The following CAMTA1 variants were observed in gnomAD, a reference collection of about 807,000 sequenced individuals.
CAMTA1 encodes the protein calmodulin-binding transcription activator 1.
A neutral mutation model predicts 170.9 loss-of-function variants in CAMTA1; 27 were observed. The observed-to-expected ratio is 0.16, with a 90% CI of 0.12 to 0.22. The LOEUF (loss-of-function observed/expected upper bound fraction) is 0.22. Among genes scored for constraint, CAMTA1 ranks in the 10% least tolerant of loss-of-function variants. The probability of loss-of-function intolerance (pLI) is 1.00; values close to 1 mark genes in which losing one functional copy is unlikely to be tolerated. For synonymous variants in CAMTA1, 833 were observed against 891.5 expected (o/e 0.93, Z 1.17); for missense variants, 1,619 against 2,217.2 (o/e 0.73, Z 5.42).
chr1:7,448,045 T>TGCTCCTCTGCGGCC (rs2092722645), intron 5 of CAMTA1, among the ~76,000 whole-genome samples: 1 of 152,150 alleles, frequency 6.6e-6, no homozygotes, highest in South Asian at 2.1e-4. Context: ...GGTCAGCGGG[T>TGCTCCTCTGCGGCC]GCTCCTCTGC....
intron 3 of CAMTA1, among the ~76,000 whole-genome samples, chr1:7,052,891 C>A (rs923397835): frequency 6.6e-6 from 1 of 152,246 alleles, no homozygotes; most frequent in Non-Finnish European, 1.5e-5. Context: ...CCTCTTATCC[C>A]TCCTCCACCC....
chr1:6,926,462 TTC>T (rs1364473883), intron 3 of CAMTA1, among the ~76,000 whole-genome samples: 2 of 137,038 alleles, frequency 1.5e-5, no homozygotes, highest in East Asian at 4.1e-4. Flanking sequence ...CTTTCTTTCT[TTC>T]TTTCTTTCTT....
In CAMTA1 at chr1:6,975,969, G is replaced by A. The variant is rs1354867476; in HGVS notation, c.235-115335G>A. Among the ~76,000 whole-genome samples the A allele has an allele frequency of 2.6e-5, 4 of 152,132 alleles. 1 individual carries two copies. Among genetic ancestry groups the A allele is most frequent in the Admixed American group, 1.3e-4 (2 of 15,264 alleles). Reference sequence around the variant, plus strand: ...ATGATCTGTTCTTCCCTGCCGCGGCGAGCGTCAGTACTCCCTTCCTTTCCG... The same window carrying A: ...ATGATCTGTTCTTCCCTGCCGCGGCAAGCGTCAGTACTCCCTTCCTTTCCG... On this transcript the variant is annotated intron_variant, in intron 3 of 22. Coordinates refer to ENST00000303635, the MANE Select transcript of CAMTA1 (RefSeq NM_015215.4).
intron 3 of CAMTA1, among the ~76,000 whole-genome samples, chr1:6,977,411 G>T (rs1693642686): frequency 1.3e-5 from 2 of 151,970 alleles, no homozygotes; most frequent in African/African-American, 4.8e-5. Context: ...CGCAGTCTCG[G>T]CTCACTGCAA....
intron 3 of CAMTA1, among the ~76,000 whole-genome samples, chr1:6,939,075 T>C (rs1685960103): frequency 6.6e-6 from 1 of 152,194 alleles, no homozygotes; most frequent in African/African-American, 2.4e-5. Flanking sequence ...CTCAGGGAGT[T>C]GCCATGACCC....
chr1:7,141,402 T>G (rs1401411864), intron 4 of CAMTA1, among the ~76,000 whole-genome samples: 1 of 152,184 alleles, frequency 6.6e-6, no homozygotes, highest in Non-Finnish European at 1.5e-5. Flanking sequence ...GAGGTCTCAT[T>G]CTCTGTTAAA....
At chr1:7,219,375 G>A (rs1660315987) in intron 4 of CAMTA1, 1 of 151,660 alleles carries the variant, frequency 6.6e-6, no homozygotes, top group South Asian at 2.1e-4. Flanking sequence ...TACCTGGCAC[G>A]GGAGATATAC....
At chr1:6,871,923 C>T (rs12728334) in intron 3 of CAMTA1, 37 of 1,336,818 alleles carry the variant, frequency 2.8e-5, no homozygotes, top group African/African-American at 6.1e-5. Context: ...AAGTGTAACA[C>T]GCTGATTTCC....
intron 3 of CAMTA1, among the ~76,000 whole-genome samples, chr1:6,832,589 C>T (rs568160361): frequency 2.2e-4 from 34 of 152,180 alleles, no homozygotes; most frequent in Non-Finnish European, 3.2e-4. Flanking sequence ...ACTCTTCAGA[C>T]TTCCTAAATG....
intron 4 of CAMTA1, among the ~76,000 whole-genome samples, chr1:7,235,500 G>A (rs191982778): frequency 2.6e-4 from 40 of 152,274 alleles, no homozygotes; most frequent in Admixed American, 1.4e-3. Flanking sequence ...TTTGGTGGGC[G>A]CCTGTTGTCT....
At chr1:7,417,803 C>G (rs989222846) in intron 5 of CAMTA1, among the ~76,000 whole-genome samples, 2 of 152,198 alleles carry the variant, frequency 1.3e-5, no homozygotes, top group African/African-American at 2.4e-5. Context: ...CCGTCCGGCA[C>G]TCCCTAGTGA....
intron 4 of CAMTA1, among the ~76,000 whole-genome samples, chr1:7,238,188 G>A (rs1019505791): frequency 1.2e-4 from 18 of 147,490 alleles, no homozygotes; most frequent in Non-Finnish European, 2.5e-4. Flanking sequence ...AAAACATTTT[G>A]CTATGGAAAT....
chr1:7,054,084 C>T (rs1014387191), intron 3 of CAMTA1, among the ~76,000 whole-genome samples: 3 of 152,212 alleles, frequency 2.0e-5, no homozygotes, highest in African/African-American at 7.2e-5. Context: ...GCCAGCCCAG[C>T]CTCTGACTTA....
chr1:6,869,369 G>C (rs1667728440), intron 3 of CAMTA1, among the ~76,000 whole-genome samples: 1 of 152,164 alleles, frequency 6.6e-6, no homozygotes, highest in Admixed American at 6.5e-5. Flanking sequence ...AGGTTAAATC[G>C]ACAGTTGTCA....
chr1:7,071,115 C>G (rs1484335402), intron 3 of CAMTA1, among the ~76,000 whole-genome samples: 3 of 152,168 alleles, frequency 2.0e-5, no homozygotes, highest in Admixed American at 6.5e-5. Flanking sequence ...GAGCCTCCCC[C>G]TCCTCCTCCT....
chr1:7,173,490 C>T lies in CAMTA1; in HGVS notation c.303-76001C>T, dbSNP rs150254119. On this transcript the variant is annotated intron_variant, in intron 4 of 22. Transcript: ENST00000303635. The surrounding 1 kb of genome is among the most constrained non-coding windows in gnomAD (Gnocchi z 5.4). ...GCAACCTCTGCCTCCAGGGTTCAAG[C>T]GATTCTCCTACCTCAGCATCTCAAG... Among the ~76,000 whole-genome samples, 1,780 of 152,096 alleles carry T rather than the reference C, an allele frequency of 0.012. 12 individuals are homozygous for T. The highest frequency in any genetic ancestry group is 0.02 in the Non-Finnish European group (1,362 of 67,986).
intron 11 of CAMTA1, among the ~76,000 whole-genome samples, chr1:7,703,757 T>C (rs532401690): frequency 8.7e-4 from 133 of 152,318 alleles, no homozygotes; most frequent in African/African-American, 3.1e-3. Context: ...GGTCAGGCAC[T>C]TTCTCTGTGC....
intron 5 of CAMTA1, among the ~76,000 whole-genome samples, chr1:7,437,969 G>A (rs1304822536): frequency 6.6e-6 from 1 of 152,248 alleles, no homozygotes; most frequent in Non-Finnish European, 1.5e-5. Flanking sequence ...CTCAAGTGGG[G>A]ATGAGAGCTA....
intron 3 of CAMTA1, among the ~76,000 whole-genome samples, chr1:6,949,854 T>C (rs545402258): frequency 3.5e-4 from 54 of 152,382 alleles, no homozygotes; most frequent in Admixed American, 5.2e-4. Context: ...CGCCAGGCCC[T>C]TCTGCGTCAT....
Sources: allele counts gnomAD v4.1 joint callset (sites outside exome capture counted in the v4.1 genomes callset), GRCh38; gene constraint gnomAD v4.1.1; non-coding constraint Gnocchi (gnomAD v3.1); transcripts MANE v1.5; gene names NCBI Gene and HGNC (gene_info 2026-07-23, HGNC 2026-07-21).